The following OVCH2 variants were observed in gnomAD, a reference collection of about 807,000 sequenced individuals.
The protein encoded by OVCH2 is ovochymase-2.
A neutral mutation model predicts 73.7 loss-of-function variants in OVCH2; 88 were observed. The ratio of observed to expected loss-of-function variants is 1.19; its 90% CI spans 1.01 to 1.43. The LOEUF (loss-of-function observed/expected upper bound fraction) is 1.43, where lower values mean the gene tolerates loss of function less well. OVCH2 is among the 40% of genes most tolerant of loss of function. OVCH2 has a pLI of 0.00. For missense variants in OVCH2, 706 were observed against 674.5 expected (o/e 1.05, Z -0.52); for synonymous variants, 265 against 234.5 (o/e 1.13, Z -1.19).
intron 3 of OVCH2, 74 bp downstream of exon 3, chr11:7,703,624 A>C: frequency 3.4e-6 from 4 of 1,182,170 alleles, no homozygotes; most frequent in Non-Finnish European, 4.7e-6. Context: ...ATGTTTTAAT[A>C]GGGTTATTGC....
chr11:7,696,388 G>A (rs1856332945), intron 10 of OVCH2, 77 bp downstream of exon 10: 1 of 1,565,836 alleles, frequency 6.4e-7, no homozygotes, highest in Non-Finnish European at 8.7e-7. Context: ...ATGGCTGAGT[G>A]CCAGACATAA....
At chr11:7,681,866 A>C in the OVCH2 span, among the ~76,000 whole-genome samples, 10 of 151,786 alleles carry the variant, frequency 6.6e-5, no homozygotes, top group Admixed American at 6.6e-4. Flanking sequence ...AAAAAAAAAA[A>C]AAAAAAGAAA....
downstream of OVCH2, among the ~76,000 whole-genome samples, chr11:7,685,216 ATGCTGCTCC>A (rs1196774576): frequency 5.3e-5 from 8 of 152,248 alleles, no homozygotes; most frequent in African/African-American, 1.9e-4. Flanking sequence ...GAGCAGGGAC[ATGCTGCTCC>A]TGGTAGGCAC....
At position 7,706,416 on chromosome 11, in the gene OVCH2, C is replaced by T; in HGVS notation, c.-22G>A. 3 of 1,551,952 alleles carry T rather than the reference C, an allele frequency of 1.9e-6. No homozygotes were observed. In the South Asian group the frequency reaches 3.6e-5, roughly 19 times the overall value. On this transcript the variant is annotated 5_prime_UTR_variant, in exon 1 of 16. Coordinates refer to ENST00000533663, the MANE Select transcript of OVCH2 (RefSeq NM_198185.7). ...GCATTTTGAGACTCATAGTTTTTCC[C>T]TGAAATTTTAGAGAGACTAAAGCAA...
chr11:7,701,887 C>T (rs878988413), intron 4 of OVCH2, 76 bp from the exon 5 acceptor site: 1 of 1,276,882 alleles, frequency 7.8e-7, no homozygotes, highest in South Asian at 1.3e-5. Context: ...CACTTGGTAT[C>T]CAGGTGGTCC....
chr11:7,690,645 G>A (rs1856202906), intron 14 of OVCH2, among the ~76,000 whole-genome samples: 3 of 152,036 alleles, frequency 2.0e-5, no homozygotes, highest in Non-Finnish European at 2.9e-5. Context: ...ATAGGCATGT[G>A]AAGAGTGACA....
chr11:7,684,493 C>CAA (rs1220166930), downstream of OVCH2, among the ~76,000 whole-genome samples: 1 of 126,378 alleles, frequency 7.9e-6, no homozygotes, highest in Non-Finnish European at 1.6e-5. Context: ...TATATACACA[C>CAA]ACATACATAC....
intron 8 of OVCH2, among the ~76,000 whole-genome samples, chr11:7,697,461 C>T (rs539921173): frequency 3.5e-4 from 53 of 152,340 alleles, no homozygotes; most frequent in African/African-American, 1.1e-3. Flanking sequence ...TTCACACCCT[C>T]CATTTCAGAT....
chr11:7,697,458 C>T (rs4520589), intron 8 of OVCH2, among the ~76,000 whole-genome samples: 2,967 of 152,212 alleles, frequency 0.019, 56 homozygotes, highest in African/African-American at 0.044. Context: ...TCATTCACAC[C>T]CTCCATTTCA....
chr11:7,690,886 C>T (rs1856207604), intron 14 of OVCH2, among the ~76,000 whole-genome samples: 1 of 152,022 alleles, frequency 6.6e-6, no homozygotes, highest in East Asian at 1.9e-4. Context: ...TGTGGTGTGC[C>T]TCACATAGAA....
chr11:7,683,386 A>G, the OVCH2 span, among the ~76,000 whole-genome samples: 1 of 152,162 alleles, frequency 6.6e-6, no homozygotes, highest in East Asian at 1.9e-4. Flanking sequence ...TATCCAATAT[A>G]TCAGGGGATC....
the OVCH2 span, among the ~76,000 whole-genome samples, chr11:7,679,082 A>T: frequency 6.6e-6 from 1 of 152,230 alleles, no homozygotes; most frequent in East Asian, 1.9e-4. Flanking sequence ...CTTAGGTCCT[A>T]GCTGTTAAGC....
chr11:7,703,134 A>G (rs1295457365), intron 3 of OVCH2, among the ~76,000 whole-genome samples: 1 of 152,224 alleles, frequency 6.6e-6, no homozygotes, highest in Non-Finnish European at 1.5e-5. Context: ...GCAGACTTGA[A>G]ATGAAAGAAT....
chr11:7,700,516 A>G (rs768446118), intron 6 of OVCH2, 31 bp from the exon 7 acceptor site: 1 of 1,567,370 alleles, frequency 6.4e-7, no homozygotes, highest in Admixed American at 1.9e-5. Context: ...TATTAGCATC[A>G]CTGTCAGTGT....
At chr11:7,683,350 C>T in the OVCH2 span, among the ~76,000 whole-genome samples, 8 of 152,166 alleles carry the variant, frequency 5.3e-5, no homozygotes, top group Non-Finnish European at 1.0e-4. Flanking sequence ...CCATGGTCAC[C>T]TTTGACATCT....
intron 13 of OVCH2, 98 bp downstream of exon 13, chr11:7,691,804 G>C: frequency 5.6e-6 from 5 of 897,690 alleles, no homozygotes; most frequent in Non-Finnish European, 8.6e-6. Context: ...AGGTGGTGCA[G>C]GAAGATGGAG....
chr11:7,683,830 T>C, the OVCH2 span, among the ~76,000 whole-genome samples: 1 of 152,168 alleles, frequency 6.6e-6, no homozygotes. Flanking sequence ...ACCCTTATTA[T>C]CTGCATAGCC....
the OVCH2 span, among the ~76,000 whole-genome samples, chr11:7,681,821 G>A: frequency 6.7e-6 from 1 of 148,312 alleles, no homozygotes; most frequent in Non-Finnish European, 1.5e-5. Context: ...GAGAAAAGCT[G>A]GCTTCCAGGA....
At chr11:7,687,210 C>T (rs1369605016), downstream of OVCH2, among the ~76,000 whole-genome samples, 2 of 151,744 alleles carry the variant, frequency 1.3e-5, no homozygotes, top group African/African-American at 4.8e-5. Flanking sequence ...AAAGGTGATT[C>T]CACCATGTAG....
Sources: gnomAD v4.1 joint callset for allele counts (sites outside exome capture counted in the v4.1 genomes callset) on GRCh38, gnomAD v4.1.1 for gene constraint, MANE v1.5 for transcripts, NCBI Gene and HGNC (gene_info 2026-07-23, HGNC 2026-07-21) for gene names.